Variants in AUH observed in about 807,000 individuals in gnomAD.
The protein encoded by AUH is AU RNA binding methylglutaconyl-CoA hydratase, also known as methylglutaconyl-CoA hydratase, mitochondrial.
Under a neutral mutation model 42.3 loss-of-function variants are expected in AUH, and 29 were observed. The observed-to-expected ratio is 0.69, with a 90% CI of 0.51 to 0.93. The LOEUF (loss-of-function observed/expected upper bound fraction) is 0.93. Ranked by LOEUF, AUH falls within the 40% of genes least tolerant of loss-of-function variation. The pLI, the probability that AUH is intolerant of heterozygous loss-of-function variation, is 0.00. For missense variants in AUH, 452 were observed against 438.1 expected (o/e 1.03, Z -0.28); for synonymous variants, 174 against 166.4 (o/e 1.05, Z -0.35).
intron 6 of AUH, among the ~76,000 whole-genome samples, chr9:91,256,444 G>A (rs1384788563): frequency 6.6e-6 from 1 of 152,028 alleles, no homozygotes; most frequent in African/African-American, 2.4e-5. Flanking sequence ...ACCTGGCATG[G>A]CACCAGCACA....
At chr9:91,245,085 G>A (rs1250558871) in intron 6 of AUH, among the ~76,000 whole-genome samples, 1 of 152,134 alleles carries the variant, frequency 6.6e-6, no homozygotes, top group Non-Finnish European at 1.5e-5. Context: ...GAGAGGGAAG[G>A]GATGAGAGGT....
At chr9:91,309,433 T>C (rs1317086118) in intron 4 of AUH, among the ~76,000 whole-genome samples, 1 of 152,212 alleles carries the variant, frequency 6.6e-6, no homozygotes, top group African/African-American at 2.4e-5. Flanking sequence ...TTTGGAATAC[T>C]GTTTTCTTCC....
intron 6 of AUH, among the ~76,000 whole-genome samples, chr9:91,294,463 C>T (rs895912155): frequency 3.9e-5 from 6 of 152,056 alleles, no homozygotes; most frequent in Non-Finnish European, 5.9e-5. Context: ...CAGGAGAATC[C>T]CTTGAACCGG....
At chr9:91,290,060 C>A (rs538803180) in intron 6 of AUH, among the ~76,000 whole-genome samples, 1 of 152,274 alleles carries the variant, frequency 6.6e-6, no homozygotes, top group African/African-American at 2.4e-5. Context: ...ATTTTATGAG[C>A]TATGAACTTG....
chr9:91,357,377 A>T, intron 1 of AUH: 2 of 487,964 alleles, frequency 4.1e-6, no homozygotes, highest in Non-Finnish European at 5.3e-6. Context: ...CTAACTCTAT[A>T]CTTGAATAAA....
At position 91,214,148 on chromosome 9, in the gene AUH, T is replaced by C. The variant is rs113687423; in HGVS notation, c.*200A>G. The C allele has an allele frequency of 1.1e-3, 618 of 564,218 alleles. 3 individuals are homozygous for C. Among genetic ancestry groups the C allele is most frequent in the African/African-American group, 1.0e-2 (532 of 53,376 alleles). 35.0% of individuals were successfully genotyped at this position (564,218 alleles called of 1,614,324 possible). On this transcript the variant is annotated 3_prime_UTR_variant, in exon 10 of 10. Coordinates refer to ENST00000375731, the MANE Select transcript of AUH (RefSeq NM_001698.3). ...TTCTGACTATACACTACTAGCTTTA[T>C]AAATCTGAATGAATATGACATTTAC...
chr9:91,309,148 A>G (rs1180287277), intron 4 of AUH, among the ~76,000 whole-genome samples: 2 of 151,198 alleles, frequency 1.3e-5, no homozygotes, highest in African/African-American at 4.8e-5. Context: ...GTGGTGGCTC[A>G]TGCCTGTAAT....
intron 6 of AUH, among the ~76,000 whole-genome samples, chr9:91,249,292 C>CA (rs59102669): frequency 0.045 from 1,461 of 32,498 alleles, 217 homozygotes; most frequent in Non-Finnish European, 0.053. Context: ...GAACCTGTCT[C>CA]AAAAAAAAAA....
In AUH at chr9:91,220,676, A is replaced by C. The variant is rs75728553; in HGVS notation, c.843+129T>G. Reference sequence around the variant, plus strand: ...TTGTGTAACTGCTCTAGTTTTACAGAGCCCACGCATCCCTTTACTTGGAAG... The same window carrying C: ...TTGTGTAACTGCTCTAGTTTTACAGCGCCCACGCATCCCTTTACTTGGAAG... On this transcript the variant is annotated intron_variant, in intron 7 of 9. Transcript: ENST00000375731. 9.7e-4 allele frequency: 859 copies of C among 884,344 alleles called. 8 individuals carry two copies. The African/African-American group carries it at 0.013, about 13-fold the overall frequency. The allele number at this position is 884,344 out of a possible 1,614,324, so 54.8% of individuals were successfully genotyped here. A position where few individuals can be genotyped will look rare whatever the true frequency, so the allele number is the denominator to read the frequency against.
intron 6 of AUH, among the ~76,000 whole-genome samples, chr9:91,259,558 T>C (rs1257645051): frequency 1.3e-5 from 2 of 152,150 alleles, no homozygotes; most frequent in South Asian, 2.1e-4. Context: ...TAGACCTTTT[T>C]TCCTAAGATT....
Position 91,337,300 on chromosome 9 carries a change from G to C in AUH, c.419-11896C>G, listed in dbSNP as rs115488804. On this transcript the variant is annotated intron_variant, in intron 3 of 9. Coordinates refer to ENST00000375731, the MANE Select transcript of AUH (RefSeq NM_001698.3). ...AGAGTTACAGTAAAAATGCTTAAGA[G>C]GTATGAATACTAACCATTTACCTTA... is the stretch of plus-strand genomic sequence containing the variant. 3.0e-3 allele frequency among the ~76,000 whole-genome samples: 461 copies of C among 152,254 alleles called. 5 individuals carry two copies. Among genetic ancestry groups the C allele is most frequent in the African/African-American group, 0.011 (440 of 41,532 alleles).
chr9:91,271,784 G>A (rs1450715075), intron 6 of AUH, among the ~76,000 whole-genome samples: 1 of 152,120 alleles, frequency 6.6e-6, no homozygotes, highest in East Asian at 1.9e-4. Flanking sequence ...AGGTTCAAGC[G>A]ATTCTCCTGC....
intron 6 of AUH, among the ~76,000 whole-genome samples, chr9:91,226,353 T>A (rs1265345103): frequency 1.5e-4 from 22 of 146,172 alleles, no homozygotes; most frequent in African/African-American, 5.4e-4. Flanking sequence ...TGTCTTCTTT[T>A]GAGAAGTGTC....
Position 91,214,308 on chromosome 9 carries a change from T to C in AUH, c.*40A>G, listed in dbSNP as rs1587606039. On this transcript the variant is annotated 3_prime_UTR_variant, in exon 10 of 10. Coordinates refer to ENST00000375731, the MANE Select transcript of AUH (RefSeq NM_001698.3). Reference sequence around the variant, plus strand: ...GGATCCGAAAGACACTTCCAGGAAGTACATTTATTACATTGGCATCTTAAG... The same window carrying C: ...GGATCCGAAAGACACTTCCAGGAAGCACATTTATTACATTGGCATCTTAAG... 1.3e-6 allele frequency: 2 copies of C among 1,529,908 alleles called. No individual in the cohort carries two copies. Among genetic ancestry groups the C allele is most frequent in the Non-Finnish European group, 1.8e-6 (2 of 1,112,630 alleles). The allele number at this position is 1,529,908 out of a possible 1,614,324, so 94.8% of individuals were successfully genotyped here. A position where few individuals can be genotyped will look rare whatever the true frequency, so the allele number is the denominator to read the frequency against.
intron 6 of AUH, among the ~76,000 whole-genome samples, chr9:91,282,179 T>C (rs555648816): frequency 2.4e-4 from 36 of 152,326 alleles, no homozygotes; most frequent in African/African-American, 6.7e-4. Flanking sequence ...TCTTTACTAG[T>C]TGATACTTTT....
chr9:91,347,848 T>C (rs1456443311), intron 3 of AUH, among the ~76,000 whole-genome samples: 3 of 151,894 alleles, frequency 2.0e-5, no homozygotes, highest in African/African-American at 7.3e-5. Flanking sequence ...TAAATCAGTC[T>C]TCATACATGT....
At chr9:91,308,228 G>C (rs1828381839) in intron 4 of AUH, among the ~76,000 whole-genome samples, 1 of 152,204 alleles carries the variant, frequency 6.6e-6, no homozygotes, top group Non-Finnish European at 1.5e-5. Flanking sequence ...AGCCAGGCAT[G>C]GTGGACTGAG....
chr9:91,238,264 T>C (rs75775127), intron 6 of AUH, among the ~76,000 whole-genome samples: 3,892 of 152,282 alleles, frequency 0.026, 79 homozygotes, highest in East Asian at 0.059. Flanking sequence ...GATTATCTCA[T>C]GGTCCAAAAA....
chr9:91,347,162 C>T (rs895908519), intron 3 of AUH, among the ~76,000 whole-genome samples: 36 of 152,128 alleles, frequency 2.4e-4, no homozygotes, highest in African/African-American at 8.5e-4. Flanking sequence ...TCAGCCCCCT[C>T]AAGTAGCTGG....
Sources: gnomAD v4.1 joint callset for allele counts (sites outside exome capture counted in the v4.1 genomes callset) on GRCh38, gnomAD v4.1.1 for gene constraint, MANE v1.5 for transcripts, NCBI Gene and HGNC (gene_info 2026-07-23, HGNC 2026-07-21) for gene names.